The following ALDH16A1 variants were observed in gnomAD, a reference collection of about 807,000 sequenced individuals.
The protein encoded by ALDH16A1 is aldehyde dehydrogenase 16 family member A1.
ALDH16A1 carries 88 observed loss-of-function variants against 96.1 expected under a neutral mutation model. The observed-to-expected ratio is 0.92, with a 90% CI of 0.77 to 1.09. ALDH16A1 has a LOEUF of 1.09. Ranked by LOEUF, ALDH16A1 falls within the 50% of genes least tolerant of loss-of-function variation. ALDH16A1 has a pLI of 0.00. For synonymous variants in ALDH16A1, 522 were observed against 496.4 expected, an observed-to-expected ratio of 1.05 and a Z score of -0.69; for missense variants, 1,250 against 1,112.6, an observed-to-expected ratio of 1.12 and a Z score of -1.76.
At position 49,470,524 on chromosome 19, in the gene ALDH16A1, C is replaced by G; in HGVS notation, c.*57C>G. Reference sequence around the variant, plus strand: ...CCTCACACCAAGGGGAGATGCACCCCACAGACACCTGGGACTTTCCCCTTC... The same window carrying G: ...CCTCACACCAAGGGGAGATGCACCCGACAGACACCTGGGACTTTCCCCTTC... On this transcript the variant is annotated 3_prime_UTR_variant, in exon 17 of 17. Coordinates refer to ENST00000293350, the MANE Select transcript of ALDH16A1 (RefSeq NM_153329.4). 6.9e-7 allele frequency: 1 copy of G among 1,442,602 alleles called. No individual in the cohort carries two copies. 89.4% of individuals were successfully genotyped at this position (1,442,602 alleles called of 1,614,324 possible).
chr19:49,470,481 C>T lies in ALDH16A1; in HGVS notation c.*14C>T. On this transcript the variant is annotated 3_prime_UTR_variant, in exon 17 of 17. Coordinates refer to ENST00000293350, the MANE Select transcript of ALDH16A1 (RefSeq NM_153329.4). ...ATGGGGGACTGATGCCTGAGCGCCACCTACTGCATTTTGGACACCTCACAC... is the reference window on the plus strand; with the variant it reads ...ATGGGGGACTGATGCCTGAGCGCCATCTACTGCATTTTGGACACCTCACAC... 10 of 1,538,914 alleles carry T rather than the reference C, an allele frequency of 6.5e-6. No individual in the cohort carries two copies. The highest frequency in any genetic ancestry group is 8.7e-6 in the Non-Finnish European group (10 of 1,145,476).
At chr19:49,458,831 C>T (rs1401969194) in intron 2 of ALDH16A1, 129 bp from the exon 3 acceptor site, 1 of 1,352,972 alleles carries the variant, frequency 7.4e-7, no homozygotes, top group Non-Finnish European at 1.0e-6. Context: ...GTGATCATAG[C>T]CGTGACCCAG....
Position 49,459,730 on chromosome 19 carries a change from T to C in ALDH16A1, c.381T>C (p.Thr127=). Residue 127 remains threonine (T), a synonymous_variant, in exon 4 of 17, where the codon ACT becomes ACC. Transcript: ENST00000293350. The surrounding 1 kb of genome is among the most constrained non-coding windows in gnomAD (Gnocchi z 4.1). ...TGTGGACCCTGGAATCCCTGGTGACTGGGCGGGCTGTTCGAGAGGTTCGAG... is the reference window on the plus strand; with the variant it reads ...TGTGGACCCTGGAATCCCTGGTGACCGGGCGGGCTGTTCGAGAGGTTCGAG... ...RLLWTLESLV[T]GRAVREVRDG... The C allele has an allele frequency of 6.2e-7, 1 of 1,613,522 alleles. No individual in the cohort carries two copies. The highest frequency in any genetic ancestry group is 8.5e-7 in the Non-Finnish European group (1 of 1,179,838).
At chr19:49,458,011 C>T (rs926239191) in intron 1 of ALDH16A1, among the ~76,000 whole-genome samples, 1 of 152,064 alleles carries the variant, frequency 6.6e-6, no homozygotes, top group Non-Finnish European at 1.5e-5. Flanking sequence ...GTCAGGAGTT[C>T]AAGACCAGCC....
intron 12 of ALDH16A1, among the ~76,000 whole-genome samples, chr19:49,465,517 C>G (rs2079190230): frequency 1.4e-5 from 2 of 147,070 alleles, no homozygotes; most frequent in East Asian, 4.1e-4. Flanking sequence ...CTCATGGGAG[C>G]AGTTTAAGGT....
At chr19:49,465,033 T>TCATGGGAGCAGGAGCTTGGGGTCCCC (rs1568655112) in intron 12 of ALDH16A1, among the ~76,000 whole-genome samples, 1 of 150,918 alleles carries the variant, frequency 6.6e-6, no homozygotes, top group African/African-American at 2.4e-5. Context: ...TTGGGGTCCC[T>TCATGGGAGCAGGAGCTTGGGGTCCCC]CAGAGGCTCA....
intron 1 of ALDH16A1, among the ~76,000 whole-genome samples, chr19:49,456,389 T>G (rs552956336): frequency 2.2e-3 from 328 of 152,276 alleles, no homozygotes; most frequent in African/African-American, 7.6e-3. Context: ...TCTTTTTGTT[T>G]TTTGTTTGTT....
At chr19:49,464,876 C>G (rs2048960672) in intron 12 of ALDH16A1, 114 bp downstream of exon 12, 1 of 1,504,530 alleles carries the variant, frequency 6.6e-7, no homozygotes, top group African/African-American at 1.4e-5. Flanking sequence ...ATCTCTTAGT[C>G]CTGCTGAGTA....
rs201175681 is a variant in ALDH16A1 at position 49,466,146 on chromosome 19, C to T, written c.1801C>T (p.Arg601Cys). 1,113 of 1,557,880 alleles carry T rather than the reference C, an allele frequency of 7.1e-4. 3 individuals carry two copies. Among genetic ancestry groups the T allele is most frequent in the South Asian group, 4.0e-4 (34 of 84,914 alleles). Reference protein sequence around the residue: ...LLWALAAALERRKSTLASRLE... With the variant: ...LLWALAAALECRKSTLASRLE... ...GTGGGCCCTGGCGGCTGCACTGGAG[C>T]GCCGGAAGTCTACCCTGGCCTCGAG... Residue 601 changes from arginine to cysteine, a missense_variant, in exon 14 of 17, where the codon CGC becomes TGC. Coordinates refer to ENST00000293350, the MANE Select transcript of ALDH16A1 (RefSeq NM_153329.4).
rs201982345 is a variant in ALDH16A1, at chr19:49,461,716, T to A, written c.675T>A (p.Asn225Lys). ...TGGGCCCCTTCCCGGGAATCCTGAATGTCCTCAGTGGCCCTGCGTCCCTGG... is the reference window on the plus strand; with the variant it reads ...TGGGCCCCTTCCCGGGAATCCTGAAAGTCCTCAGTGGCCCTGCGTCCCTGG... ...GELGPFPGIL[N>K]VLSGPASLVP... Residue 225 changes from asparagine (N) to lysine (K), a missense_variant, in exon 6 of 17, where the codon AAT (asparagine) becomes AAA (lysine). Coordinates refer to ENST00000293350, the MANE Select transcript of ALDH16A1 (RefSeq NM_153329.4). The A allele has an allele frequency of 7.5e-6, 12 of 1,610,226 alleles. No homozygotes were observed. The African/African-American group carries it at 1.3e-4, about 18-fold the overall frequency.
At chr19:49,455,156 ACCTGTAATCCCAG>A (rs1253688878) in intron 1 of ALDH16A1, among the ~76,000 whole-genome samples, 1 of 149,522 alleles carries the variant, frequency 6.7e-6, no homozygotes, top group Non-Finnish European at 1.5e-5. Flanking sequence ...AGTGGTTCAC[ACCTGTAATCCCAG>A]CGCTTTGGGA....
At chr19:49,460,610 T>C (rs963806823) in intron 4 of ALDH16A1, among the ~76,000 whole-genome samples, 5 of 151,318 alleles carry the variant, frequency 3.3e-5, no homozygotes, top group African/African-American at 1.2e-4. Flanking sequence ...GATGGGGTTT[T>C]TCCATGTTGG....
intron 13 of ALDH16A1, 85 bp downstream of exon 13, chr19:49,465,990 G>C: frequency 6.5e-7 from 1 of 1,543,360 alleles, no homozygotes; most frequent in Non-Finnish European, 8.8e-7. Context: ...CTGGGAGGCT[G>C]GGCCCCCAGG....
intron 8 of ALDH16A1, 34 bp downstream of exon 8, chr19:49,462,789 G>A (rs2122396962): frequency 6.6e-7 from 1 of 1,511,432 alleles, no homozygotes; most frequent in South Asian, 1.3e-5. Flanking sequence ...AGGGTGTCAG[G>A]GGAGGAGGGG....
intron 8 of ALDH16A1, among the ~76,000 whole-genome samples, chr19:49,463,636 G>A (rs1324607792): frequency 2.0e-5 from 2 of 97,986 alleles, no homozygotes; most frequent in Non-Finnish European, 2.0e-5. Context: ...AGGAGGGGCT[G>A]GGGGTCCAGA....
intron 1 of ALDH16A1, among the ~76,000 whole-genome samples, chr19:49,456,996 T>C (rs923307827): frequency 3.3e-5 from 5 of 151,752 alleles, no homozygotes. Flanking sequence ...TAATCCCAGC[T>C]ACTTGGGAGG....
Position 49,462,675 on chromosome 19 carries a change from G to T in ALDH16A1, c.1018G>T (p.Val340Leu). 6.2e-7 allele frequency: 1 copy of T among 1,609,812 alleles called. No individual in the cohort carries two copies. The highest frequency in any genetic ancestry group is 8.5e-7 in the Non-Finnish European group (1 of 1,179,114). ...LRSGRGLDGA[V>L]DMGARGAAAC... ...GAGTGGCCGAGGGCTGGATGGGGCC[G>T]TGGACATGGGGGCCCGGGGGGCTGC... The change falls in exon 8 of 17, where the codon GTG becomes TTG. Residue 340 changes from valine to leucine, a missense_variant. Physicochemically the swap from Val to Leu is conservative, Grantham distance 32. Transcript: ENST00000293350.
At chr19:49,461,850 C>T in intron 6 of ALDH16A1, 34 bp from the exon 7 acceptor site, 2 of 1,597,668 alleles carry the variant, frequency 1.3e-6, no homozygotes, top group Non-Finnish European at 1.7e-6. Flanking sequence ...GGCCGCAAGG[C>T]TCCTCCTGCG....
Position 49,463,840 on chromosome 19 carries a change from A to T in ALDH16A1, c.1099-14A>T, listed in dbSNP as rs749116285. 9 of 1,609,698 alleles carry T rather than the reference A, an allele frequency of 5.6e-6. No homozygotes were observed. Among genetic ancestry groups the T allele is most frequent in the Non-Finnish European group, 7.6e-6 (9 of 1,177,554 alleles). On this transcript the variant is annotated splice_polypyrimidine_tract_variant and intron_variant, in intron 8 of 16. Transcript: ENST00000293350. ...GGGACCAGAAGTCGACTTCTAGATC[A>T]TTTCTCTCCCTAGGTGTTCCAGGCT... is the stretch of plus-strand genomic sequence containing the variant.
Sources: gnomAD v4.1 joint callset for allele counts (sites outside exome capture counted in the v4.1 genomes callset) on GRCh38, gnomAD v4.1.1 for gene constraint, Gnocchi (gnomAD v3.1) non-coding constraint, MANE v1.5 for transcripts, NCBI Gene and HGNC (gene_info 2026-07-23, HGNC 2026-07-21) for gene names.